Variants in UTRN observed in about 807,000 individuals in gnomAD.
UTRN encodes dystrophin-related protein 1.
In UTRN, 283 loss-of-function variants were observed where a neutral mutation model predicts 463.9. That is an observed-to-expected ratio of 0.61 (90% CI 0.55 to 0.67). The LOEUF is 0.67. Ranked by LOEUF, UTRN falls within the 30% of genes least tolerant of loss-of-function variation. The pLI, the probability that UTRN is intolerant of heterozygous loss-of-function variation, is 0.00. For missense variants in UTRN, 3,922 were observed against 4,084.3 expected (o/e 0.96, Z 1.08); for synonymous variants, 1,442 against 1,431.5 (o/e 1.01, Z -0.17).
intron 64 of UTRN, among the ~76,000 whole-genome samples, chr6:144,802,196 G>T (rs1777759122): frequency 6.6e-6 from 1 of 152,188 alleles, no homozygotes; most frequent in Non-Finnish European, 1.5e-5. Context: ...TGTCGTTAGT[G>T]TATGTGATTG....
intron 9 of UTRN, among the ~76,000 whole-genome samples, chr6:144,435,478 A>G (rs534413727): frequency 6.6e-6 from 1 of 152,332 alleles, no homozygotes; most frequent in South Asian, 2.1e-4. Context: ...AGCAAAAGCA[A>G]TTTACCTAAG....
intron 51 of UTRN, among the ~76,000 whole-genome samples, chr6:144,588,261 TC>T (rs1223428923): frequency 6.6e-6 from 1 of 152,190 alleles, no homozygotes; most frequent in Non-Finnish European, 1.5e-5. Context: ...TTGCTGTAGT[TC>T]CCCAAGTTGA....
Position 144,487,607 on chromosome 6 carries a change from C to A in UTRN, c.3882C>A (p.Gly1294=), listed in dbSNP as rs1474992503. The A allele has an allele frequency of 1.9e-6, 3 of 1,613,330 alleles. No individual in the cohort carries two copies. Among genetic ancestry groups the A allele is most frequent in the Non-Finnish European group, 2.5e-6 (3 of 1,179,692 alleles). ...ADNRTQIREL[G]QTLIDGGILD... Reference sequence around the variant, plus strand: ...ATCGCACCCAGATTCGAGAGCTTGGCCAGACTCTGATTGATGGGGGGATCC... The same window carrying A: ...ATCGCACCCAGATTCGAGAGCTTGGACAGACTCTGATTGATGGGGGGATCC... The change falls in exon 29 of 75, where the codon GGC becomes GGA. Residue 1294 remains glycine (G), a synonymous_variant. Coordinates refer to ENST00000367545, the MANE Select transcript of UTRN (RefSeq NM_007124.3).
chr6:144,678,699 T>TG, intron 52 of UTRN, 121 bp downstream of exon 52: 1 of 949,142 alleles, frequency 1.1e-6, no homozygotes, highest in Non-Finnish European at 1.5e-6. Context: ...CAGAAATAGT[T>TG]TAAGATTTTA....
At chr6:144,451,273 G>T in intron 17 of UTRN, 97 bp from the exon 18 acceptor site, 1 of 1,417,478 alleles carries the variant, frequency 7.1e-7, no homozygotes, top group East Asian at 2.3e-5. Flanking sequence ...GTGATAAAAA[G>T]ACATATTCCT....
At chr6:144,388,204 G>A (rs2114756791) in intron 2 of UTRN, among the ~76,000 whole-genome samples, 1 of 152,274 alleles carries the variant, frequency 6.6e-6, no homozygotes, top group East Asian at 1.9e-4. Context: ...TATAAGTGAA[G>A]CACTGTGTAT....
intron 2 of UTRN, among the ~76,000 whole-genome samples, chr6:144,367,675 T>G (rs185651364): frequency 5.3e-5 from 8 of 152,342 alleles, no homozygotes; most frequent in Admixed American, 2.6e-4. Flanking sequence ...CGAGCTTTTA[T>G]TTTTCAAGGA....
At chr6:144,315,167 TG>T (rs1775201360) in intron 2 of UTRN, among the ~76,000 whole-genome samples, 2 of 152,180 alleles carry the variant, frequency 1.3e-5, no homozygotes, top group Non-Finnish European at 2.9e-5. Context: ...TCACATTTAA[TG>T]GTAGCTGAAA....
chr6:144,758,294 A>G (rs1454663572), intron 58 of UTRN: 4 of 190,784 alleles, frequency 2.1e-5, no homozygotes, highest in Non-Finnish European at 3.9e-5. Flanking sequence ...AGCAAGATCC[A>G]GTCTCTAAAA....
chr6:144,789,231 A>G lies in UTRN; in HGVS notation c.8872A>G (p.Ile2958Val), dbSNP rs771663850. The change falls in exon 62 of 75, where the codon ATT (isoleucine) becomes GTT (valine). Residue 2958 changes from isoleucine to valine, a missense_variant. This residue lies in a region of UTRN where 1,309 missense variants were observed against 1,452.6 expected (regional missense o/e 0.90). Coordinates refer to ENST00000367545, the MANE Select transcript of UTRN (RefSeq NM_007124.3). The stretch of plus-strand genomic sequence containing the variant: ...AAAAATTAGAGTGCAGAGTCTGAAG[A>G]TTGGATTAATGTCTCTCTCCAAAGG... ...TGKIRVQSLK[I>V]GLMSLSKGLL... 3.1e-6 allele frequency: 5 copies of G among 1,613,476 alleles called. No individual in the cohort carries two copies. The highest frequency in any genetic ancestry group is 4.2e-6 in the Non-Finnish European group (5 of 1,179,762).
chr6:144,832,599 G>A (rs1780760684), intron 69 of UTRN, among the ~76,000 whole-genome samples: 4 of 152,134 alleles, frequency 2.6e-5, no homozygotes. Flanking sequence ...GGGCATAATG[G>A]TGGCTTGTGA....
chr6:144,440,557 C>T, intron 13 of UTRN, 86 bp downstream of exon 13: 1 of 1,566,592 alleles, frequency 6.4e-7, no homozygotes, highest in Non-Finnish European at 8.7e-7. Context: ...CATGTCCTTT[C>T]TCATTCTTTA....
chr6:144,496,669 A>T (rs1400906157), intron 33 of UTRN, among the ~76,000 whole-genome samples: 1 of 152,244 alleles, frequency 6.6e-6, no homozygotes. Context: ...GTCTAATGGA[A>T]CTTAGGGTAG....
At chr6:144,834,349 G>A (rs1371855860) in intron 69 of UTRN, among the ~76,000 whole-genome samples, 5 of 152,076 alleles carry the variant, frequency 3.3e-5, no homozygotes, top group Non-Finnish European at 5.9e-5. Flanking sequence ...AAAAAGAGAG[G>A]GGGTTTATTG....
At chr6:144,396,467 T>G (rs1406737757) in intron 2 of UTRN, among the ~76,000 whole-genome samples, 1 of 152,332 alleles carries the variant, frequency 6.6e-6, no homozygotes, top group East Asian at 1.9e-4. Flanking sequence ...TGTATAACAC[T>G]GTAGGTGTAA....
chr6:144,812,035 T>C (rs942884147), intron 65 of UTRN, among the ~76,000 whole-genome samples: 1 of 152,202 alleles, frequency 6.6e-6, no homozygotes, highest in Non-Finnish European at 1.5e-5. Flanking sequence ...ATTAACAATT[T>C]AAATCCACTG....
intron 53 of UTRN, among the ~76,000 whole-genome samples, chr6:144,711,555 T>C (rs2128703865): frequency 6.6e-6 from 1 of 152,334 alleles, no homozygotes; most frequent in South Asian, 2.1e-4. Context: ...TGTTATGGAT[T>C]TACTCTAACC....
intron 42 of UTRN, among the ~76,000 whole-genome samples, chr6:144,532,687 A>T (rs1432204133): frequency 1.3e-5 from 2 of 152,228 alleles, no homozygotes; most frequent in Admixed American, 6.5e-5. Flanking sequence ...GGACACAAGG[A>T]TATAAGGATT....
intron 60 of UTRN, among the ~76,000 whole-genome samples, chr6:144,778,924 T>C (rs1210660231): frequency 1.3e-5 from 2 of 152,212 alleles, no homozygotes; most frequent in African/African-American, 4.8e-5. Context: ...GTCAGTTCTT[T>C]AAAGGTACCT....
Sources: gnomAD v4.1 joint callset for allele counts (sites outside exome capture counted in the v4.1 genomes callset) on GRCh38, gnomAD v4.1.1 for gene constraint, gnomAD v4.1.1 regional missense constraint, MANE v1.5 for transcripts, NCBI Gene and HGNC (gene_info 2026-07-23, HGNC 2026-07-21) for gene names.